Variants in TENM2 observed in about 807,000 individuals in gnomAD.
TENM2 encodes teneurin-2.
Under a neutral mutation model 245.2 loss-of-function variants are expected in TENM2, and 52 were observed. The ratio of observed to expected loss-of-function variants is 0.21; its 90% CI spans 0.17 to 0.27. TENM2 has a LOEUF of 0.27. Ranked by LOEUF, TENM2 falls within the 10% of genes least tolerant of loss-of-function variation. The probability of loss-of-function intolerance (pLI) is 1.00; values close to 1 mark genes in which losing one functional copy is unlikely to be tolerated. For synonymous variants in TENM2, 1,363 were observed against 1,438.9 expected (o/e 0.95, Z 1.19); for missense variants, 3,046 against 3,666.8 (o/e 0.83, Z 4.37).
At chr5:168,206,981 A>G (rs1727532747) in intron 19 of TENM2, among the ~76,000 whole-genome samples, 1 of 151,698 alleles carries the variant, frequency 6.6e-6, no homozygotes, top group African/African-American at 2.4e-5. Flanking sequence ...TACCTTCTCT[A>G]CCTAATCTAC....
the TENM2 span, among the ~76,000 whole-genome samples, chr5:166,993,521 T>A: frequency 1.3e-5 from 2 of 152,174 alleles, no homozygotes; most frequent in African/African-American, 4.8e-5. Context: ...AGACAGATGC[T>A]GCGGTTGGAA....
At chr5:167,738,799 T>C (rs529270708) in intron 2 of TENM2, among the ~76,000 whole-genome samples, 1 of 152,276 alleles carries the variant, frequency 6.6e-6, no homozygotes, top group Non-Finnish European at 1.5e-5. Context: ...TCCCTGGTGT[T>C]TCTCTGTGTG....
intron 1 of TENM2, among the ~76,000 whole-genome samples, chr5:167,290,098 T>C (rs1024262285): frequency 3.9e-5 from 6 of 152,210 alleles, no homozygotes; most frequent in Non-Finnish European, 8.8e-5. Flanking sequence ...GGTTGTATTG[T>C]TTTTTCTTTT....
intron 1 of TENM2, among the ~76,000 whole-genome samples, chr5:167,360,491 C>T (rs1044233495): frequency 6.6e-6 from 1 of 152,158 alleles, no homozygotes; most frequent in Non-Finnish European, 1.5e-5. Context: ...TGTCTCTTCT[C>T]ATGTATTCCC....
At chr5:167,551,431 C>T (rs1282765357) in intron 2 of TENM2, among the ~76,000 whole-genome samples, 1 of 152,142 alleles carries the variant, frequency 6.6e-6, no homozygotes, top group East Asian at 1.9e-4. Flanking sequence ...ATCTATCTAT[C>T]CATTCATCCA....
rs12332740 is a variant in TENM2, at chr5:167,493,012, G to A, written c.502+117539G>A. Among the ~76,000 whole-genome samples the A allele has an allele frequency of 9.2e-3, 1,403 of 152,188 alleles. 25 individuals carry two copies. Among genetic ancestry groups the A allele is most frequent in the African/African-American group, 0.032 (1,332 of 41,524 alleles). On this transcript the variant is annotated intron_variant, in intron 2 of 28. Transcript: ENST00000518659. ...CATTTGAAGAATAGAGTTTGAGCAT[G>A]GATTAGGTAAGGTAATTGTTAGGAA...
At chr5:168,230,845 C>T (rs1227403497) in intron 25 of TENM2, 1 of 152,198 alleles carries the variant, frequency 6.6e-6, no homozygotes. Flanking sequence ...GTGATGTAAG[C>T]TATAATACAG....
chr5:167,064,456 T>C, the TENM2 span, among the ~76,000 whole-genome samples: 1 of 152,192 alleles, frequency 6.6e-6, no homozygotes, highest in East Asian at 1.9e-4. Context: ...AAAGCTGAAC[T>C]CTAAATACAT....
rs142359469 is a variant in TENM2 at position 168,005,312 on chromosome 5, G to C, written c.1186+12130G>C. 7.8e-4 allele frequency among the ~76,000 whole-genome samples: 119 copies of C among 152,262 alleles called. 2 individuals are homozygous for C. Among genetic ancestry groups the C allele is most frequent in the Middle Eastern group, 6.8e-3 (2 of 294 alleles). On this transcript the variant is annotated intron_variant, in intron 5 of 28. Coordinates refer to ENST00000518659, the Ensembl canonical transcript of TENM2. ...GACTAAGGGATTTCTTAAACAAGCTGTGGACCCCACCCAGGGAGAATGCTG... is the reference window on the plus strand; with the variant it reads ...GACTAAGGGATTTCTTAAACAAGCTCTGGACCCCACCCAGGGAGAATGCTG...
At chr5:167,466,361 T>C (rs760333074) in intron 2 of TENM2, among the ~76,000 whole-genome samples, 1 of 152,226 alleles carries the variant, frequency 6.6e-6, no homozygotes, top group Non-Finnish European at 1.5e-5. Context: ...GAGACACATG[T>C]CATACCTATA....
At chr5:168,083,179 C>T (rs1792151952) in intron 7 of TENM2, among the ~76,000 whole-genome samples, 1 of 152,196 alleles carries the variant, frequency 6.6e-6, no homozygotes, top group Non-Finnish European at 1.5e-5. Flanking sequence ...GCCTCGCTGC[C>T]ACCTTGCTGT....
chr5:167,794,083 G>T (rs1765160479), intron 2 of TENM2, among the ~76,000 whole-genome samples: 1 of 151,794 alleles, frequency 6.6e-6, no homozygotes, highest in Non-Finnish European at 1.5e-5. Context: ...TATTATTCCT[G>T]AATATTTAAA....
At chr5:167,862,658 T>C (rs1561868299) in intron 2 of TENM2, among the ~76,000 whole-genome samples, 2 of 152,204 alleles carry the variant, frequency 1.3e-5, no homozygotes. Flanking sequence ...TAAGTGAGCC[T>C]TCAGAGAAGA....
the TENM2 span, among the ~76,000 whole-genome samples, chr5:167,230,634 C>A: frequency 1.3e-5 from 2 of 152,158 alleles, no homozygotes; most frequent in African/African-American, 4.8e-5. Context: ...TTTATCCCCC[C>A]AAATTTTGGT....
At chr5:168,164,679 C>G (rs1270664010) in intron 13 of TENM2, among the ~76,000 whole-genome samples, 1 of 152,098 alleles carries the variant, frequency 6.6e-6, no homozygotes, top group African/African-American at 2.4e-5. Flanking sequence ...GCATGTGGGC[C>G]ACCTAATCTC....
chr5:168,058,013 C>T (rs894661870), intron 6 of TENM2, among the ~76,000 whole-genome samples: 3 of 152,156 alleles, frequency 2.0e-5, no homozygotes, highest in African/African-American at 7.2e-5. Context: ...ATACCTTTTA[C>T]AGACAATAGT....
At chr5:167,889,774 A>G (rs1561900876) in intron 3 of TENM2, among the ~76,000 whole-genome samples, 1 of 152,116 alleles carries the variant, frequency 6.6e-6, no homozygotes, top group Non-Finnish European at 1.5e-5. Context: ...CCACCTGTTT[A>G]CGACATTAGG....
At chr5:168,190,247 A>G in intron 13 of TENM2, 90 bp from the exon 16 acceptor site, 1 of 981,734 alleles carries the variant, frequency 1.0e-6, no homozygotes, top group Non-Finnish European at 1.5e-6. Context: ...GATGCTGCTC[A>G]TGCCTGTGCT....
chr5:167,037,869 T>C, the TENM2 span, among the ~76,000 whole-genome samples: 1 of 152,274 alleles, frequency 6.6e-6, no homozygotes, highest in East Asian at 1.9e-4. Context: ...CACAGAGGGT[T>C]CAAGACCCAC....
Sources: gnomAD v4.1 joint callset for allele counts (sites outside exome capture counted in the v4.1 genomes callset) on GRCh38, gnomAD v4.1.1 for gene constraint, MANE v1.5 for transcripts, NCBI Gene and HGNC (gene_info 2026-07-23, HGNC 2026-07-21) for gene names.